The following CFAP69 variants were observed in gnomAD, a reference collection of about 807,000 sequenced individuals.
CFAP69 encodes the protein cilia- and flagella-associated protein 69.
A neutral mutation model predicts 123.0 loss-of-function variants in CFAP69; 92 were observed. The ratio of observed to expected loss-of-function variants is 0.75; its 90% CI spans 0.63 to 0.89. CFAP69 has a LOEUF of 0.89. CFAP69 is among the 40% of genes least tolerant of loss of function. CFAP69 has a pLI of 0.00. For synonymous variants in CFAP69, 380 were observed against 364.3 expected, an observed-to-expected ratio of 1.04 and a Z score of -0.49; for missense variants, 1,067 against 1,096.9, an observed-to-expected ratio of 0.97 and a Z score of 0.39.
intron 2 of CFAP69, among the ~76,000 whole-genome samples, chr7:90,257,615 G>A (rs150106387): frequency 5.9e-5 from 9 of 152,282 alleles, no homozygotes; most frequent in African/African-American, 2.2e-4. Context: ...ACACATGAGT[G>A]AAAATGTGTG....
chr7:90,262,815 G>A (rs898582111), intron 4 of CFAP69, among the ~76,000 whole-genome samples: 30 of 151,722 alleles, frequency 2.0e-4, no homozygotes, highest in Non-Finnish European at 3.1e-4. Context: ...AGGTTTAGTA[G>A]AATTATGCAT....
At chr7:90,253,325 C>T (rs1797247512) in intron 1 of CFAP69, among the ~76,000 whole-genome samples, 1 of 152,136 alleles carries the variant, frequency 6.6e-6, no homozygotes, top group Admixed American at 6.5e-5. Flanking sequence ...TACTTTACCT[C>T]TGATCGGATT....
chr7:90,253,037 A>G (rs1387539392), intron 1 of CFAP69, among the ~76,000 whole-genome samples: 5 of 152,216 alleles, frequency 3.3e-5, no homozygotes, highest in Non-Finnish European at 1.5e-5. Flanking sequence ...ATAAAAATAG[A>G]TGCATTTACT....
intron 15 of CFAP69, among the ~76,000 whole-genome samples, chr7:90,291,293 G>A (rs1019809483): frequency 2.6e-5 from 4 of 152,126 alleles, no homozygotes; most frequent in African/African-American, 9.7e-5. Context: ...GAACATATAA[G>A]TTAACTTCCT....
rs1298460980 is a variant in CFAP69 at position 90,310,946 on chromosome 7, T to A, written c.*708T>A. 1 of 152,028 alleles carries A rather than the reference T, an allele frequency of 6.6e-6. No individual in the cohort carries two copies. Among genetic ancestry groups the A allele is most frequent in the Non-Finnish European group, 1.5e-5 (1 of 68,002 alleles). The allele number at this position is 152,028 out of a possible 1,614,324, so 9.4% of individuals were successfully genotyped here. Reference sequence around the variant, plus strand: ...TCTGCAACAAGTATGTTGGTCAAAATAAAATTATGTTTTCTCTGCTATAAA... The same window carrying A: ...TCTGCAACAAGTATGTTGGTCAAAAAAAAATTATGTTTTCTCTGCTATAAA... On this transcript the variant is annotated 3_prime_UTR_variant, in exon 23 of 23. Coordinates refer to ENST00000389297, the MANE Select transcript of CFAP69 (RefSeq NM_001039706.3).
chr7:90,279,980 G>A (rs1789226159), intron 12 of CFAP69, 87 bp downstream of exon 12: 1 of 985,628 alleles, frequency 1.0e-6, no homozygotes, highest in Non-Finnish European at 1.4e-6. Context: ...TAACAATGAA[G>A]TTAATTAAAG....
rs1790600599 is a variant in CFAP69 at position 90,288,295 on chromosome 7, A to T, written c.1718A>T (p.Lys573Met). The change falls in exon 15 of 23, where the codon AAG (lysine) becomes ATG (methionine). Residue 573 changes from lysine (K) to methionine (M), a missense_variant. Lys to Met is a moderately conservative substitution (Grantham distance 95, BLOSUM62 -1). Coordinates refer to ENST00000389297, the MANE Select transcript of CFAP69 (RefSeq NM_001039706.3). The part of the protein sequence containing the change: ...VLHVMKTDPR[K>M]LQSGLGYNVL... ...CATGTGATGAAAACAGACCCCAGGA[A>T]GTTACAGAGTGGCTTAGGCTATAAT... 2.5e-6 allele frequency: 4 copies of T among 1,612,560 alleles called. No homozygotes were observed. The highest frequency in any genetic ancestry group is 3.4e-6 in the Non-Finnish European group (4 of 1,178,898).
chr7:90,297,837 A>G lies in CFAP69; in HGVS notation c.1857+7A>G. The G allele has an allele frequency of 6.4e-7, 1 of 1,554,892 alleles. No homozygotes were observed. Among genetic ancestry groups the G allele is most frequent in the South Asian group, 1.2e-5 (1 of 84,080 alleles). The stretch of plus-strand genomic sequence containing the variant: ...CCTTTTGGATTTGTTAGCAGTAAGT[A>G]TGGCTATAACAATCATAAGACAAAA... On this transcript the variant is annotated splice_region_variant and intron_variant, in intron 16 of 22. Transcript: ENST00000389297.
chr7:90,257,190 G>GA (rs1224620348), intron 2 of CFAP69, among the ~76,000 whole-genome samples: 2 of 152,128 alleles, frequency 1.3e-5, no homozygotes, highest in Non-Finnish European at 2.9e-5. Context: ...ACATGACGTA[G>GA]AAAAAATATT....
chr7:90,317,893 C>G, the CFAP69 span: 1 of 152,082 alleles, frequency 6.6e-6, no homozygotes, highest in Non-Finnish European at 1.5e-5. Flanking sequence ...ATACTTGAAA[C>G]CAGTGTTGTA....
chr7:90,246,427 G>C (rs1402456642), intron 1 of CFAP69, among the ~76,000 whole-genome samples: 1 of 152,182 alleles, frequency 6.6e-6, no homozygotes, highest in Non-Finnish European at 1.5e-5. Flanking sequence ...CTCAGGCTGC[G>C]TCAGGAACCC....
intron 16 of CFAP69, among the ~76,000 whole-genome samples, chr7:90,299,552 G>A (rs1040873298): frequency 3.9e-5 from 6 of 151,944 alleles, no homozygotes; most frequent in Non-Finnish European, 8.8e-5. Context: ...ATCGAGCTTC[G>A]CCACTTAAAA....
chr7:90,247,097 C>T (rs528877507), intron 1 of CFAP69, among the ~76,000 whole-genome samples: 2 of 152,156 alleles, frequency 1.3e-5, no homozygotes, highest in African/African-American at 4.8e-5. Context: ...TAGTTTCTCC[C>T]CAAAGAAATA....
At chr7:90,280,748 CT>C (rs1789360910) in intron 12 of CFAP69, among the ~76,000 whole-genome samples, 1 of 152,060 alleles carries the variant, frequency 6.6e-6, no homozygotes, top group Admixed American at 6.6e-5. Flanking sequence ...AAATACATTC[CT>C]TTTTTAAAAA....
intron 8 of CFAP69, among the ~76,000 whole-genome samples, chr7:90,273,766 T>C (rs1800325162): frequency 6.6e-6 from 1 of 152,110 alleles, no homozygotes; most frequent in South Asian, 2.1e-4. Context: ...TGCATACTGC[T>C]GATCTCTTGT....
At chr7:90,269,841 G>A (rs1799698884) in intron 6 of CFAP69, among the ~76,000 whole-genome samples, 1 of 152,072 alleles carries the variant, frequency 6.6e-6, no homozygotes, top group Non-Finnish European at 1.5e-5. Context: ...TTTTAGGATA[G>A]GAAGAAATCA....
At chr7:90,266,648 T>C (rs1054848646) in intron 5 of CFAP69, among the ~76,000 whole-genome samples, 1 of 152,148 alleles carries the variant, frequency 6.6e-6, no homozygotes, top group Non-Finnish European at 1.5e-5. Flanking sequence ...GCAGAACATG[T>C]TACTATCTCA....
chr7:90,312,520 G>A (rs550889463), downstream of CFAP69: 1 of 152,248 alleles, frequency 6.6e-6, no homozygotes, highest in African/African-American at 2.4e-5. Flanking sequence ...TTATTATGTA[G>A]CAGCTATTTA....
At chr7:90,260,263 T>C (rs1231404270) in intron 3 of CFAP69, among the ~76,000 whole-genome samples, 2 of 152,040 alleles carry the variant, frequency 1.3e-5, no homozygotes, top group African/African-American at 4.8e-5. Flanking sequence ...TTGTGGCTCA[T>C]GCCTGTAATC....
Sources: gnomAD v4.1 joint callset for allele counts (sites outside exome capture counted in the v4.1 genomes callset) on GRCh38, gnomAD v4.1.1 for gene constraint, MANE v1.5 for transcripts, NCBI Gene and HGNC (gene_info 2026-07-23, HGNC 2026-07-21) for gene names.